MIA2: variants seen among roughly 807,000 people sequenced by gnomAD.
MIA2 encodes the protein melanoma inhibitory activity protein 2.
MIA2 carries 127 observed loss-of-function variants against 167.8 expected under a neutral mutation model. That is an observed-to-expected ratio of 0.76 (90% CI 0.66 to 0.88). The LOEUF is 0.88. Ranked by LOEUF, MIA2 falls within the 40% of genes least tolerant of loss-of-function variation. The pLI, the probability that MIA2 is intolerant of heterozygous loss-of-function variation, is 0.00. For missense variants in MIA2, 1,690 were observed against 1,624.7 expected (o/e 1.04, Z -0.69); for synonymous variants, 552 against 541.9 (o/e 1.02, Z -0.26).
At chr14:39,252,716 G>A in intron 4 of MIA2, 32 bp from the exon 5 acceptor site, 1 of 1,537,794 alleles carries the variant, frequency 6.5e-7, no homozygotes, top group Non-Finnish European at 8.9e-7. Context: ...CAAGTATTTT[G>A]GAAAAACACA....
rs1566693621 is a variant in MIA2 at position 39,279,322 on chromosome 14, A to G, written c.2020-15A>G. On this transcript the variant is annotated splice_polypyrimidine_tract_variant and intron_variant, in intron 7 of 28. Transcript: ENST00000640607. ...TATTTGTTTTAATGTAATTTTTGTT[A>G]AAAATTTGTTTCAGGTTAGGAGTCG... The G allele has an allele frequency of 6.3e-7, 1 of 1,596,872 alleles. No homozygotes were observed. The highest frequency in any genetic ancestry group is 2.2e-5 in the East Asian group (1 of 44,698).
intron 25 of MIA2, 32 bp downstream of exon 25, chr14:39,327,054 T>C: frequency 7.0e-7 from 1 of 1,427,088 alleles, no homozygotes; most frequent in Non-Finnish European, 9.2e-7. Context: ...TATTTCTCTT[T>C]GAAAGGCAGC....
chr14:39,234,318 A>G (rs953958140), intron 1 of MIA2, 89 bp downstream of exon 1: 3 of 743,564 alleles, frequency 4.0e-6, no homozygotes, highest in Admixed American at 3.0e-5. Context: ...GATAAAAATG[A>G]GTATTGATAC....
intron 6 of MIA2, chr14:39,253,379 T>C: frequency 1.4e-6 from 1 of 692,950 alleles, no homozygotes; most frequent in Non-Finnish European, 2.3e-6. Flanking sequence ...TAAGTTTTGT[T>C]GATGTTGATC....
At chr14:39,293,221 C>T (rs2060969273) in intron 10 of MIA2, 50 bp from the exon 11 acceptor site, 2 of 1,219,158 alleles carry the variant, frequency 1.6e-6, no homozygotes, top group Admixed American at 2.0e-5. Context: ...TCTGATTTCC[C>T]TAATGAAAAA....
At position 39,304,373 on chromosome 14, in the gene MIA2, A is replaced by C. The variant is rs1366609755; in HGVS notation, c.2870A>C (p.Glu957Ala). 1 of 1,558,614 alleles carries C rather than the reference A, an allele frequency of 6.4e-7. No homozygotes were observed. ...QLSEVDKTKE[E>A]LTEHIKNLQT... The stretch of plus-strand genomic sequence containing the variant: ...TCTGAAGTTGATAAAACAAAGGAAG[A>C]GCTTACAGGTAGGTCATTGACATAC... The change falls in exon 17 of 29, where the codon GAG becomes GCG. Residue 957 changes from glutamate to alanine, a missense_variant. Coordinates refer to ENST00000640607, the MANE Select transcript of MIA2 (RefSeq NM_001329214.4).
chr14:39,313,326 T>C lies in MIA2; in HGVS notation c.3018-14T>C. 1 of 1,364,906 alleles carries C rather than the reference T, an allele frequency of 7.3e-7. No homozygotes were observed. The highest frequency in any genetic ancestry group is 1.2e-5 in the South Asian group (1 of 80,116). The allele number at this position is 1,364,906 out of a possible 1,614,324, so 84.5% of individuals were successfully genotyped here. ...ACATGTATTAAGAGAATTATAACATTTTTTGTTTTTAAGGAAATTAACAGT... is the reference window on the plus strand; with the variant it reads ...ACATGTATTAAGAGAATTATAACATCTTTTGTTTTTAAGGAAATTAACAGT... On this transcript the variant is annotated splice_polypyrimidine_tract_variant and intron_variant, in intron 18 of 28. Coordinates refer to ENST00000640607, the MANE Select transcript of MIA2 (RefSeq NM_001329214.4).
At chr14:39,351,292 A>G (rs1032208685), downstream of MIA2, 1 of 151,506 alleles carries the variant, frequency 6.6e-6, no homozygotes, top group Non-Finnish European at 1.5e-5. Flanking sequence ...ATATTGGAAC[A>G]CTTCACCCCA....
chr14:39,350,704 T>TATTA (rs56332323), downstream of MIA2: 47,285 of 152,794 alleles, frequency 0.31, 7,823 homozygotes, highest in East Asian at 0.51. Context: ...ACTATGGCTC[T>TATTA]ATTAACTTTT....
chr14:39,292,854 T>C (rs2060915929), intron 10 of MIA2: 1 of 173,576 alleles, frequency 5.8e-6, no homozygotes, highest in African/African-American at 2.4e-5. Flanking sequence ...ATTTTTTATG[T>C]CATGCCTTTA....
intron 2 of MIA2, chr14:39,237,288 C>T (rs761320740): frequency 1.0e-5 from 5 of 496,358 alleles, no homozygotes; most frequent in East Asian, 4.0e-5. Context: ...TCACCACGCC[C>T]GGCTAATTTT....
At chr14:39,356,411 A>ATT (rs71435650) in intron 23 of MIA2, among the ~76,000 whole-genome samples, 3 of 151,644 alleles carry the variant, frequency 2.0e-5, no homozygotes, top group African/African-American at 7.3e-5. Context: ...CCCCTTTATC[A>ATT]TTTTTTATTG....
Position 39,266,784 on chromosome 14 carries a change from G to T in MIA2, c.1888-10150G>T, listed in dbSNP as rs930606903. On this transcript the variant is annotated intron_variant, in intron 6 of 28. Coordinates refer to ENST00000640607, the MANE Select transcript of MIA2 (RefSeq NM_001329214.4). Reference sequence around the variant, plus strand: ...GGCGCAGACAGCAGGCTCCAGCGAGGCTGCGGAAGGAAAGCCTTGGGTGTC... The same window carrying T: ...GGCGCAGACAGCAGGCTCCAGCGAGTCTGCGGAAGGAAAGCCTTGGGTGTC... 4 of 979,434 alleles carry T rather than the reference G, an allele frequency of 4.1e-6. No individual in the cohort carries two copies. The South Asian group carries it at 1.9e-4, about 46-fold the overall frequency. 60.7% of individuals were successfully genotyped at this position (979,434 alleles called of 1,614,324 possible).
At chr14:39,251,218 G>A (rs970525408) in intron 4 of MIA2, among the ~76,000 whole-genome samples, 2 of 151,994 alleles carry the variant, frequency 1.3e-5, no homozygotes, top group African/African-American at 4.8e-5. Flanking sequence ...TATTGATTTA[G>A]GAATTTACAA....
chr14:39,346,421 G>C (rs932526005), intron 26 of MIA2, among the ~76,000 whole-genome samples: 7 of 151,996 alleles, frequency 4.6e-5, no homozygotes, highest in African/African-American at 1.7e-4. Flanking sequence ...TGTTGATATT[G>C]TAATCAGTTA....
At chr14:39,288,096 A>G (rs578088208) in intron 9 of MIA2, among the ~76,000 whole-genome samples, 174 of 152,194 alleles carry the variant, frequency 1.1e-3, no homozygotes, top group Admixed American at 3.1e-3. Context: ...AAGTGTTGGG[A>G]TTACAGGCGT....
At chr14:39,248,648 T>G (rs1399334181) in intron 4 of MIA2, among the ~76,000 whole-genome samples, 1 of 152,214 alleles carries the variant, frequency 6.6e-6, no homozygotes, top group Non-Finnish European at 1.5e-5. Context: ...CTGGTAGGTG[T>G]GGATTTTCTC....
intron 24 of MIA2, among the ~76,000 whole-genome samples, chr14:39,323,074 C>G (rs1484921215): frequency 6.6e-6 from 1 of 152,176 alleles, no homozygotes; most frequent in Non-Finnish European, 1.5e-5. Flanking sequence ...GCCATTACTC[C>G]ACATATTTTT....
chr14:39,333,799 T>C (rs1595745978), intron 25 of MIA2, among the ~76,000 whole-genome samples: 1 of 152,184 alleles, frequency 6.6e-6, no homozygotes, highest in Non-Finnish European at 1.5e-5. Context: ...GAATTTACTC[T>C]ACCATACTAG....
Sources: gnomAD v4.1 joint callset for allele counts (sites outside exome capture counted in the v4.1 genomes callset) on GRCh38, gnomAD v4.1.1 for gene constraint, MANE v1.5 for transcripts, NCBI Gene and HGNC (gene_info 2026-07-23, HGNC 2026-07-21) for gene names.